Variants in ABCA13 observed in about 807,000 individuals in gnomAD.
ABCA13 encodes the protein ATP binding cassette subfamily A member 13, also known as ATP-binding cassette sub-family A member 13.
Under a neutral mutation model 478.7 loss-of-function variants are expected in ABCA13, and 476 were observed. The observed-to-expected ratio is 0.99, with a 90% CI of 0.92 to 1.07. The LOEUF is 1.07. Among genes scored for constraint, ABCA13 ranks in the 50% least tolerant of loss-of-function variants. The probability of loss-of-function intolerance (pLI) is 0.00; values close to 1 mark genes in which losing one functional copy is unlikely to be tolerated. For missense variants in ABCA13, 6,060 were observed against 5,910.6 expected, an observed-to-expected ratio of 1.03 and a Z score of -0.83; for synonymous variants, 2,252 against 2,158.9, an observed-to-expected ratio of 1.04 and a Z score of -1.20.
At chr7:48,350,847 G>A (rs375994700) in intron 30 of ABCA13, 28 bp downstream of exon 30, 6 of 1,592,816 alleles carry the variant, frequency 3.8e-6, no homozygotes, top group East Asian at 2.3e-5. Flanking sequence ...AAATATGTTC[G>A]CCAAGATGCC....
intron 1 of ABCA13, among the ~76,000 whole-genome samples, chr7:48,178,995 AATAAT>A (rs1469706675): frequency 6.8e-6 from 1 of 147,582 alleles, no homozygotes; most frequent in Admixed American, 6.8e-5. Context: ...TAATAATAAT[AATAAT>A]AATAATAATA....
intron 54 of ABCA13, 100 bp downstream of exon 54, chr7:48,524,540 C>A: frequency 1.8e-6 from 2 of 1,084,378 alleles, no homozygotes; most frequent in Non-Finnish European, 2.5e-6. Flanking sequence ...AAATCAGAGC[C>A]AAAAATAGCC....
chr7:48,290,939 GGAAAAAAAAAA>G (rs1332508812), intron 20 of ABCA13, among the ~76,000 whole-genome samples: 43 of 79,606 alleles, frequency 5.4e-4, no homozygotes, highest in African/African-American at 1.6e-3. Flanking sequence ...TCACACTCAG[GGAAAAAAAAAA>G]AAAAAAAAAA....
intron 44 of ABCA13, among the ~76,000 whole-genome samples, chr7:48,467,446 T>C (rs1440139227): frequency 6.6e-6 from 1 of 152,190 alleles, no homozygotes; most frequent in Non-Finnish European, 1.5e-5. Context: ...TTTTTTTAAC[T>C]TAAAAGACTT....
chr7:48,318,476 C>T (rs1425546493), intron 27 of ABCA13, among the ~76,000 whole-genome samples: 1 of 151,198 alleles, frequency 6.6e-6, no homozygotes, highest in African/African-American at 2.4e-5. Flanking sequence ...GCTGAGATTA[C>T]AGGTGTGTGC....
At chr7:48,422,076 A>AG (rs1585252577) in intron 41 of ABCA13, among the ~76,000 whole-genome samples, 1 of 139,802 alleles carries the variant, frequency 7.2e-6, no homozygotes, top group East Asian at 2.0e-4. Flanking sequence ...AAAAAAAAAA[A>AG]AAAAAAAAGA....
chr7:48,434,042 T>G (rs1822498775), intron 42 of ABCA13, among the ~76,000 whole-genome samples: 1 of 151,998 alleles, frequency 6.6e-6, no homozygotes, highest in Non-Finnish European at 1.5e-5. Context: ...TAACAAGAAA[T>G]GGAATTACTG....
intron 42 of ABCA13, among the ~76,000 whole-genome samples, chr7:48,437,434 A>G (rs1822999848): frequency 6.6e-6 from 1 of 152,098 alleles, no homozygotes; most frequent in Non-Finnish European, 1.5e-5. Flanking sequence ...TCTCTTGTAG[A>G]AGGCATGCAT....
chr7:48,387,139 T>C (rs1815319585), intron 35 of ABCA13, among the ~76,000 whole-genome samples: 1 of 152,104 alleles, frequency 6.6e-6, no homozygotes. Flanking sequence ...TCAGCCTTTT[T>C]AATTCTAATC....
rs539915693 is a variant in ABCA13 at position 48,622,841 on chromosome 7, G to A, written c.14837+7464G>A. Among the ~76,000 whole-genome samples the A allele has an allele frequency of 2.0e-5, 3 of 152,098 alleles. No homozygotes were observed. The South Asian group carries it at 6.2e-4, about 32-fold the overall frequency. ...GTTATTATTACCCTTCATCTTATAG[G>A]CATAAAAAAGTAGTCATAGAAAGGT... On this transcript the variant is annotated intron_variant, in intron 59 of 61. Coordinates refer to ENST00000435803, the MANE Select transcript of ABCA13 (RefSeq NM_152701.5).
At chr7:48,458,428 T>G (rs1427284522) in intron 43 of ABCA13, among the ~76,000 whole-genome samples, 1 of 152,202 alleles carries the variant, frequency 6.6e-6, no homozygotes, top group African/African-American at 2.4e-5. Flanking sequence ...CCTCTCTTTC[T>G]CCTTAGGGTA....
At chr7:48,478,796 G>A (rs1010892925) in intron 45 of ABCA13, among the ~76,000 whole-genome samples, 13 of 152,072 alleles carry the variant, frequency 8.5e-5, no homozygotes, top group African/African-American at 2.7e-4. Context: ...TGCTTTGGGA[G>A]AGATGGTGGG....
Position 48,219,501 on chromosome 7 carries a change from T to G in ABCA13, c.435T>G (p.Thr145=). ...GACTTTGGGTAGAACGATCCAACACTCCAGGCAAGTAAACCTCTCATAACT... is the reference window on the plus strand; with the variant it reads ...GACTTTGGGTAGAACGATCCAACACGCCAGGCAAGTAAACCTCTCATAACT... ...LKRLWVERSN[T]PDSSYGSSFF... Residue 145 remains threonine (T), a synonymous_variant, in exon 4 of 62, where the codon ACT becomes ACG. Transcript: ENST00000435803. 6.2e-7 allele frequency: 1 copy of G among 1,607,976 alleles called. No individual in the cohort carries two copies. Among genetic ancestry groups the G allele is most frequent in the South Asian group, 1.1e-5 (1 of 89,506 alleles).
intron 46 of ABCA13, among the ~76,000 whole-genome samples, chr7:48,482,134 CA>C (rs1554533612): frequency 2.0e-5 from 3 of 151,698 alleles, no homozygotes; most frequent in Non-Finnish European, 4.4e-5. Context: ...ATATAATTCC[CA>C]CCCAGGAAAA....
rs373072464 is a variant in ABCA13, at chr7:48,506,369, C to T, written c.13325C>T (p.Ala4442Val). 3 of 1,613,720 alleles carry T rather than the reference C, an allele frequency of 1.9e-6. No homozygotes were observed. Among genetic ancestry groups the T allele is most frequent in the Non-Finnish European group, 2.5e-6 (3 of 1,179,736 alleles). ...CTCTACAGCCACCCATATGGAGGGG[C>T]CTTGCTGAACGAGGACAAGATGTGA... ...ITLYSHPYGGALLNEDKILES... is the reference protein window; with the variant it reads ...ITLYSHPYGGVLLNEDKILES... Residue 4442 changes from alanine to valine, a missense_variant, in exon 49 of 62, where the codon GCC (alanine) becomes GTC (valine). Transcript: ENST00000435803.
intron 55 of ABCA13, among the ~76,000 whole-genome samples, chr7:48,577,828 A>G (rs1788327892): frequency 6.6e-6 from 1 of 152,154 alleles, no homozygotes; most frequent in African/African-American, 2.4e-5. Context: ...AAAATTTTCA[A>G]CAAAGTATCA....
chr7:48,230,148 T>C (rs2128990085), intron 7 of ABCA13, among the ~76,000 whole-genome samples, 193 bp downstream of exon 7: 1 of 152,356 alleles, frequency 6.6e-6, no homozygotes, highest in East Asian at 1.9e-4. Flanking sequence ...GAATTTGACT[T>C]TCTACCACTG....
intron 23 of ABCA13, among the ~76,000 whole-genome samples, chr7:48,301,533 T>TC (rs1403785862): frequency 2.6e-5 from 4 of 152,112 alleles, no homozygotes; most frequent in Non-Finnish European, 5.9e-5. Flanking sequence ...TTTTTTTTTT[T>TC]CTTTCTCTGA....
intron 27 of ABCA13, among the ~76,000 whole-genome samples, chr7:48,334,849 A>C: frequency 6.6e-6 from 1 of 152,314 alleles, no homozygotes; most frequent in African/African-American, 2.4e-5. Context: ...AGACATCTTC[A>C]TGGAAATAAC....
Sources: gnomAD v4.1 joint callset for allele counts (sites outside exome capture counted in the v4.1 genomes callset) on GRCh38, gnomAD v4.1.1 for gene constraint, MANE v1.5 for transcripts, NCBI Gene and HGNC (gene_info 2026-07-23, HGNC 2026-07-21) for gene names.